BICDL1: variants seen among roughly 807,000 people sequenced by gnomAD.
BICDL1 encodes the protein BICD family like cargo adaptor 1.
BICDL1 carries 20 observed loss-of-function variants against 76.8 expected under a neutral mutation model. The ratio of observed to expected loss-of-function variants is 0.26; its 90% CI spans 0.18 to 0.38. The LOEUF (loss-of-function observed/expected upper bound fraction) is 0.38, where lower values mean the gene tolerates loss of function less well. BICDL1 is among the 10% of genes least tolerant of loss of function. BICDL1 has a pLI of 1.00. For synonymous variants in BICDL1, 383 were observed against 337.1 expected, an observed-to-expected ratio of 1.14 and a Z score of -1.49; for missense variants, 700 against 798.6, an observed-to-expected ratio of 0.88 and a Z score of 1.49.
chr12:120,038,449 AT>A (rs778060877), intron 2 of BICDL1, among the ~76,000 whole-genome samples: 65 of 149,958 alleles, frequency 4.3e-4, no homozygotes, highest in Middle Eastern at 3.5e-3. Flanking sequence ...AAGTGTTTGT[AT>A]TTTTTTTTTC....
At chr12:119,993,916 C>T (rs1174261369) in intron 1 of BICDL1, among the ~76,000 whole-genome samples, 1 of 152,216 alleles carries the variant, frequency 6.6e-6, no homozygotes, top group Non-Finnish European at 1.5e-5. Flanking sequence ...GCACCCAGCC[C>T]AGATGCTTAA....
chr12:120,036,008 ATTTATG>A (rs149715689), intron 2 of BICDL1, among the ~76,000 whole-genome samples: 2,061 of 152,288 alleles, frequency 0.014, 45 homozygotes, highest in East Asian at 0.044. Flanking sequence ...AGTTTTTACA[ATTTATG>A]TTTATGCATG....
rs1386604321 is a variant in BICDL1 at position 120,072,817 on chromosome 12, G to A, written c.1308+88G>A. The A allele has an allele frequency of 1.1e-5, 11 of 1,047,202 alleles. No individual in the cohort carries two copies. In the African/African-American group the frequency reaches 1.7e-4, roughly 17 times the overall value. The allele number at this position is 1,047,202 out of a possible 1,614,324, so 64.9% of individuals were successfully genotyped here. A position where few individuals can be genotyped will look rare whatever the true frequency, so the allele number is the denominator to read the frequency against. ...CAGTGCATAGGGTGAGGTCAGCCAT[G>A]GAACTGGAACCCTATAAAATATCTG... On this transcript the variant is annotated intron_variant, in intron 6 of 9. Coordinates refer to ENST00000548673, the MANE Select transcript of BICDL1 (RefSeq NM_001367886.1).
chr12:120,092,344 A>G (rs893720496), intron 9 of BICDL1: 1 of 985,338 alleles, frequency 1.0e-6, no homozygotes, highest in East Asian at 1.1e-4. Flanking sequence ...GAGGAAGCTG[A>G]AAGAAATGGG....
chr12:119,996,944 A>G (rs1414589965), intron 1 of BICDL1, among the ~76,000 whole-genome samples: 1 of 149,526 alleles, frequency 6.7e-6, no homozygotes, highest in Admixed American at 6.6e-5. Context: ...TCTCAGAAAC[A>G]AAAAGATTTT....
intron 2 of BICDL1, among the ~76,000 whole-genome samples, chr12:120,032,050 C>T (rs2138765628): frequency 6.6e-6 from 1 of 152,312 alleles, no homozygotes; most frequent in South Asian, 2.1e-4. Context: ...TATGATCACA[C>T]TACTGCACTC....
At chr12:120,024,620 C>T (rs978442209) in intron 2 of BICDL1, among the ~76,000 whole-genome samples, 1 of 152,174 alleles carries the variant, frequency 6.6e-6, no homozygotes, top group Non-Finnish European at 1.5e-5. Context: ...AAGTTTATTG[C>T]TTCTCACCGT....
intron 2 of BICDL1, among the ~76,000 whole-genome samples, chr12:120,054,860 G>A (rs1294677409): frequency 6.6e-6 from 1 of 152,120 alleles, no homozygotes; most frequent in African/African-American, 2.4e-5. Flanking sequence ...AGTCTTGGCA[G>A]CAGAGCAAGA....
At chr12:120,013,449 T>A (rs1288793522) in intron 2 of BICDL1, among the ~76,000 whole-genome samples, 2 of 146,858 alleles carry the variant, frequency 1.4e-5, no homozygotes, top group African/African-American at 5.2e-5. Flanking sequence ...AGTGTGTGTG[T>A]GTGTGTGTGT....
intron 2 of BICDL1, among the ~76,000 whole-genome samples, chr12:120,033,416 G>A (rs1004904796): frequency 2.5e-5 from 3 of 120,140 alleles, no homozygotes; most frequent in South Asian, 2.6e-4. Flanking sequence ...TCACTCTGTC[G>A]TCCAGGCTGG....
intron 2 of BICDL1, among the ~76,000 whole-genome samples, chr12:120,022,475 A>T (rs948714850): frequency 2.7e-5 from 4 of 146,970 alleles, no homozygotes; most frequent in African/African-American, 7.4e-5. Flanking sequence ...ATTTATATAT[A>T]TTTTATATAT....
intron 2 of BICDL1, among the ~76,000 whole-genome samples, chr12:120,002,812 G>A (rs764944609): frequency 6.6e-6 from 1 of 152,178 alleles, no homozygotes; most frequent in Non-Finnish European, 1.5e-5. Flanking sequence ...TATGAAGGGT[G>A]ATTTGATGGA....
At position 120,094,302 on chromosome 12, in the gene BICDL1, C is replaced by T. The variant is rs774141866; in HGVS notation, c.*1141C>T. ...ACGTGGGGAAAGCACAGCAGGGATG[C>T]GCGGCAAGAATGTACCTGTAGATGT... On this transcript the variant is annotated 3_prime_UTR_variant, in exon 10 of 10. Transcript: ENST00000548673. 16 of 456,666 alleles carry T rather than the reference C, an allele frequency of 3.5e-5. No homozygotes were observed. Among genetic ancestry groups the T allele is most frequent in the Admixed American group, 9.4e-5 (4 of 42,568 alleles). The allele number at this position is 456,666 out of a possible 1,614,324, so 28.3% of individuals were successfully genotyped here.
chr12:120,077,956 G>T (rs534815186), intron 7 of BICDL1, among the ~76,000 whole-genome samples: 1 of 152,136 alleles, frequency 6.6e-6, no homozygotes, highest in Non-Finnish European at 1.5e-5. Flanking sequence ...CACAGCCTGC[G>T]TCCCTCTGGT....
intron 2 of BICDL1, among the ~76,000 whole-genome samples, chr12:120,009,317 C>G (rs1398089520): frequency 6.6e-6 from 1 of 152,068 alleles, no homozygotes; most frequent in African/African-American, 2.4e-5. Flanking sequence ...CCGAGAGAGC[C>G]ATGCCTGATT....
chr12:120,012,128 C>T (rs1951966624), intron 2 of BICDL1, among the ~76,000 whole-genome samples: 2 of 152,160 alleles, frequency 1.3e-5, no homozygotes, highest in Non-Finnish European at 2.9e-5. Flanking sequence ...GGACCGAGGG[C>T]GGCTTCTCCT....
intron 1 of BICDL1, among the ~76,000 whole-genome samples, chr12:119,996,825 A>G (rs1951657708): frequency 6.6e-6 from 1 of 152,192 alleles, no homozygotes; most frequent in Admixed American, 6.5e-5. Context: ...GTTCAGGACC[A>G]TCACTTTCAC....
intron 2 of BICDL1, among the ~76,000 whole-genome samples, chr12:120,025,328 G>A (rs1476004527): frequency 6.6e-6 from 1 of 152,140 alleles, no homozygotes; most frequent in Non-Finnish European, 1.5e-5. Flanking sequence ...GGGATTACAG[G>A]CGTGAACCAC....
In BICDL1 at chr12:120,013,439, AGTGTGTGTGTGTGTGTGTGTGT is replaced by A. The variant is rs35499277; in HGVS notation, c.645+14726_645+14747del. 9.6e-5 allele frequency among the ~76,000 whole-genome samples: 13 copies of A among 134,798 alleles called. 1 individual carries two copies. The highest frequency in any genetic ancestry group is 3.6e-4 in the African/African-American group (13 of 35,960). 88.4% of individuals were successfully genotyped at this position (134,798 alleles called of 152,430 possible). A position where few individuals can be genotyped will look rare whatever the true frequency, so the allele number is the denominator to read the frequency against. ...TTGCAGGGACTATGTCTTTAACCAG[AGTGTGTGTGTGTGTGTGTGTGT>A]GTGTGTGTGTGTGTGTGTGTGTCAG... is the stretch of plus-strand genomic sequence containing the variant. On this transcript the variant is annotated intron_variant, in intron 2 of 9. Coordinates refer to ENST00000548673, the MANE Select transcript of BICDL1 (RefSeq NM_001367886.1).
Sources: gnomAD v4.1 joint callset for allele counts (sites outside exome capture counted in the v4.1 genomes callset) on GRCh38, gnomAD v4.1.1 for gene constraint, MANE v1.5 for transcripts, NCBI Gene and HGNC (gene_info 2026-07-23, HGNC 2026-07-21) for gene names.